PRKAR1B: variants seen among roughly 807,000 people sequenced by gnomAD.
The protein encoded by PRKAR1B is cAMP-dependent protein kinase type I-beta regulatory subunit.
PRKAR1B carries 22 observed loss-of-function variants against 46.5 expected under a neutral mutation model. The ratio of observed to expected loss-of-function variants is 0.47; its 90% CI spans 0.34 to 0.68. PRKAR1B has a LOEUF of 0.68. PRKAR1B is among the 30% of genes least tolerant of loss of function. PRKAR1B has a pLI of 0.01. For synonymous variants in PRKAR1B, 259 were observed against 217.7 expected (o/e 1.19, Z -1.67); for missense variants, 445 against 535.6 (o/e 0.83, Z 1.67).
chr7:648,542 C>T (rs182280411), intron 4 of PRKAR1B, among the ~76,000 whole-genome samples: 11 of 152,132 alleles, frequency 7.2e-5, no homozygotes, highest in Middle Eastern at 6.8e-3. Flanking sequence ...ACCCAGGAGG[C>T]GGAGGTTGCA....
intron 1 of PRKAR1B, among the ~76,000 whole-genome samples, chr7:719,370 G>A (rs772120775): frequency 6.6e-6 from 1 of 151,950 alleles, no homozygotes; most frequent in Non-Finnish European, 1.5e-5. Context: ...TAGAGATGGG[G>A]GTCTCACTAT....
chr7:660,595 A>C (rs1226663662), intron 4 of PRKAR1B, among the ~76,000 whole-genome samples: 1 of 98,250 alleles, frequency 1.0e-5, no homozygotes, highest in African/African-American at 4.3e-5. Context: ...CCCCACCCCA[A>C]CAGATGCAAT....
At chr7:663,375 C>T (rs1464031476) in intron 4 of PRKAR1B, among the ~76,000 whole-genome samples, 3 of 152,142 alleles carry the variant, frequency 2.0e-5, no homozygotes, top group Non-Finnish European at 2.9e-5. Context: ...ACTACAGGTG[C>T]ATGCCACCAT....
chr7:716,899 C>G (rs1381351346), intron 1 of PRKAR1B: 1 of 152,218 alleles, frequency 6.6e-6, no homozygotes, highest in African/African-American at 2.4e-5. Context: ...AGAGGCCACT[C>G]ATCCTCAAAT....
intron 8 of PRKAR1B, among the ~76,000 whole-genome samples, chr7:584,191 G>C (rs1562538389): frequency 6.6e-6 from 1 of 152,230 alleles, no homozygotes. Context: ...GACTGGTGTG[G>C]AGGGAAGGCT....
chr7:560,812 C>T lies in PRKAR1B; in HGVS notation c.892-9342G>A, dbSNP rs941403157. Among the ~76,000 whole-genome samples the T allele has an allele frequency of 6.6e-6, 1 of 152,194 alleles. No homozygotes were observed. Among genetic ancestry groups the T allele is most frequent in the East Asian group, 1.9e-4 (1 of 5,198 alleles). On this transcript the variant is annotated intron_variant, in intron 9 of 10. Transcript: ENST00000537384. This position sits in a 1 kb window ranked among gnomAD's most constrained non-coding sequence, Gnocchi z 4.2. ...TCAAACGGGACAGTCATCATGAGGGCGGCGGCCATGAGTGAACGTAAGAGT... is the reference window on the plus strand; with the variant it reads ...TCAAACGGGACAGTCATCATGAGGGTGGCGGCCATGAGTGAACGTAAGAGT...
chr7:571,931 C>CCACTCTCACTGGCT (rs1435471594), intron 9 of PRKAR1B, among the ~76,000 whole-genome samples: 1 of 152,246 alleles, frequency 6.6e-6, no homozygotes, highest in Non-Finnish European at 1.5e-5. Flanking sequence ...GCCCTGGACG[C>CCACTCTCACTGGCT]CACTCTCACT....
chr7:727,820 G>A (rs1480929118), upstream of PRKAR1B, among the ~76,000 whole-genome samples: 1 of 139,608 alleles, frequency 7.2e-6, no homozygotes, highest in Non-Finnish European at 1.5e-5. Flanking sequence ...CCCTGCCTGA[G>A]CCCCCTCCAC....
chr7:642,630 C>T (rs1162881751), intron 4 of PRKAR1B, among the ~76,000 whole-genome samples: 1 of 150,070 alleles, frequency 6.7e-6, no homozygotes. Flanking sequence ...GAGGCTGAGG[C>T]AGGAGAATGG....
chr7:718,165 G>A (rs1780944548), intron 1 of PRKAR1B, among the ~76,000 whole-genome samples: 2 of 151,696 alleles, frequency 1.3e-5, no homozygotes, highest in African/African-American at 4.8e-5. Flanking sequence ...AGCATGGATT[G>A]CAGCCTTCAG....
chr7:581,361 A>C (rs906627328), intron 8 of PRKAR1B, among the ~76,000 whole-genome samples: 1 of 151,354 alleles, frequency 6.6e-6, no homozygotes, highest in Non-Finnish European at 1.5e-5. Context: ...ATAATTCAGA[A>C]CCCAGGCGTG....
At chr7:571,839 CGG>C (rs1779533557) in intron 9 of PRKAR1B, among the ~76,000 whole-genome samples, 1 of 152,212 alleles carries the variant, frequency 6.6e-6, no homozygotes, top group Non-Finnish European at 1.5e-5. Context: ...TTCCCGTCCG[CGG>C]TGAGGTGACG....
intron 9 of PRKAR1B, among the ~76,000 whole-genome samples, chr7:568,923 G>A (rs926463416): frequency 1.3e-5 from 2 of 151,930 alleles, no homozygotes; most frequent in African/African-American, 4.8e-5. Flanking sequence ...TGTCTGCAAT[G>A]GAAAGCCGGG....
At chr7:584,481 C>G in intron 8 of PRKAR1B, 27 bp downstream of exon 8, 1 of 1,609,702 alleles carries the variant, frequency 6.2e-7, no homozygotes, top group East Asian at 2.2e-5. Context: ...TCGGGACACA[C>G]AGCCGTGCAG....
At chr7:717,780 A>T (rs73669613) in intron 1 of PRKAR1B, among the ~76,000 whole-genome samples, 5 of 152,132 alleles carry the variant, frequency 3.3e-5, no homozygotes, top group Admixed American at 3.3e-4. Flanking sequence ...TCTTCTCTAC[A>T]CATGGCTCCT....
Position 644,615 on chromosome 7 carries a change from C to T in PRKAR1B, c.440+32614G>A, listed in dbSNP as rs1025166493. On this transcript the variant is annotated intron_variant, in intron 4 of 10. Coordinates refer to ENST00000537384, the MANE Select transcript of PRKAR1B (RefSeq NM_001164760.2). The surrounding 1 kb of genome is among the most constrained non-coding windows in gnomAD (Gnocchi z 4.9). Reference sequence around the variant, plus strand: ...TGCCCACAACTGGAAGGAAGCAATGCAGGGCCGTTCTCAGCCTCAGCAGCT... The same window carrying T: ...TGCCCACAACTGGAAGGAAGCAATGTAGGGCCGTTCTCAGCCTCAGCAGCT... 2.6e-5 allele frequency among the ~76,000 whole-genome samples: 4 copies of T among 152,210 alleles called. No homozygotes were observed. Among genetic ancestry groups the T allele is most frequent in the Non-Finnish European group, 2.9e-5 (2 of 68,030 alleles).
intron 3 of PRKAR1B, among the ~76,000 whole-genome samples, chr7:679,766 A>G (rs934266111): frequency 2.6e-5 from 4 of 152,278 alleles, no homozygotes; most frequent in South Asian, 4.1e-4. Flanking sequence ...CTAACCAGCC[A>G]TGCTATGGTA....
chr7:722,657 C>G (rs1781115907), intron 1 of PRKAR1B, among the ~76,000 whole-genome samples: 1 of 152,278 alleles, frequency 6.6e-6, no homozygotes, highest in Non-Finnish European at 1.5e-5. Context: ...CAGGCGTGAG[C>G]CACCGCGCCC....
intron 2 of PRKAR1B, among the ~76,000 whole-genome samples, chr7:689,446 C>T (rs1354879486): frequency 1.3e-5 from 2 of 151,942 alleles, no homozygotes; most frequent in African/African-American, 2.4e-5. Flanking sequence ...AATGGAAATG[C>T]TAGAATCCAA....
Sources: gnomAD v4.1 joint callset for allele counts (sites outside exome capture counted in the v4.1 genomes callset) on GRCh38, gnomAD v4.1.1 for gene constraint, Gnocchi (gnomAD v3.1) non-coding constraint, MANE v1.5 for transcripts, NCBI Gene and HGNC (gene_info 2026-07-23, HGNC 2026-07-21) for gene names.